The following EEF2K variants were observed in gnomAD, a reference collection of about 807,000 sequenced individuals.
EEF2K encodes the protein eukaryotic elongation factor 2 kinase.
A neutral mutation model predicts 93.8 loss-of-function variants in EEF2K; 70 were observed. The ratio of observed to expected loss-of-function variants is 0.75; its 90% CI spans 0.62 to 0.91. EEF2K has a LOEUF of 0.91. Among genes scored for constraint, EEF2K ranks in the 40% least tolerant of loss-of-function variants. The probability of loss-of-function intolerance (pLI) is 0.00; values close to 1 mark genes in which losing one functional copy is unlikely to be tolerated. For synonymous variants in EEF2K, 376 were observed against 380.8 expected, an observed-to-expected ratio of 0.99 and a Z score of 0.15; for missense variants, 935 against 972.9, an observed-to-expected ratio of 0.96 and a Z score of 0.52.
Position 22,225,843 on chromosome 16 carries a change from C to G in EEF2K, c.114C>G (p.Phe38Leu), listed in dbSNP as rs778974609. Residue 38 changes from phenylalanine to leucine, a missense_variant, in exon 2 of 18, where the codon TTC (phenylalanine) becomes TTG (leucine). Transcript: ENST00000263026. ...ACAGCGACGATGAGGAAGGTTACTT[C>G]ATCTGCCCCATCACGGATGACCCAA... ...DGDSDDEEGY[F>L]ICPITDDPSS... is the part of the protein sequence containing the mutation. 1 of 1,614,230 alleles carries G rather than the reference C, an allele frequency of 6.2e-7. No homozygotes were observed.
intron 10 of EEF2K, among the ~76,000 whole-genome samples, chr16:22,259,358 T>C (rs1827361670): frequency 6.6e-6 from 1 of 152,200 alleles, no homozygotes; most frequent in Admixed American, 6.5e-5. Context: ...TTGTTTAGTT[T>C]TTTAATTTTT....
intron 2 of EEF2K, among the ~76,000 whole-genome samples, chr16:22,227,211 A>G (rs1346893527): frequency 6.6e-6 from 1 of 152,172 alleles, no homozygotes; most frequent in African/African-American, 2.4e-5. Flanking sequence ...AAAAATTAAA[A>G]TAAAATAAAT....
intron 2 of EEF2K, among the ~76,000 whole-genome samples, 153 bp downstream of exon 2, chr16:22,226,128 GTAT>G (rs1286336602): frequency 4.6e-5 from 7 of 152,168 alleles, no homozygotes; most frequent in African/African-American, 1.7e-4. Context: ...AGCAGGGAGG[GTAT>G]TATTGATTTA....
At chr16:22,247,970 G>A (rs1030449313) in intron 3 of EEF2K, among the ~76,000 whole-genome samples, 1 of 152,066 alleles carries the variant, frequency 6.6e-6, no homozygotes, top group Non-Finnish European at 1.5e-5. Context: ...CGTTTGTTAC[G>A]GAGACCAGTT....
chr16:22,217,160 CAA>C (rs59262131), intron 1 of EEF2K, among the ~76,000 whole-genome samples: 1,533 of 76,392 alleles, frequency 0.02, 19 homozygotes, highest in African/African-American at 0.065. Context: ...GACCCTGTCT[CAA>C]AAAAAAAAAA....
chr16:22,262,036 C>CAG, intron 11 of EEF2K, among the ~76,000 whole-genome samples: 1 of 150,078 alleles, frequency 6.7e-6, no homozygotes, highest in Non-Finnish European at 1.5e-5. Flanking sequence ...CACACACACA[C>CAG]AGAAAAGATA....
chr16:22,217,208 G>C (rs1000740752), intron 1 of EEF2K, among the ~76,000 whole-genome samples: 25 of 132,136 alleles, frequency 1.9e-4, no homozygotes, highest in African/African-American at 7.8e-4. Flanking sequence ...ATTATTTAGT[G>C]ATATATATAG....
At chr16:22,264,198 A>T (rs947963435) in intron 12 of EEF2K, among the ~76,000 whole-genome samples, 1 of 147,452 alleles carries the variant, frequency 6.8e-6, no homozygotes, top group Admixed American at 7.0e-5. Context: ...AAGCCGAGGC[A>T]TGAGAATCAC....
chr16:22,258,283 C>T (rs2047427386), intron 9 of EEF2K, among the ~76,000 whole-genome samples: 1 of 152,124 alleles, frequency 6.6e-6, no homozygotes, highest in Non-Finnish European at 1.5e-5. Flanking sequence ...GGCAGGTCCT[C>T]TGAGCCTCTG....
chr16:22,266,734 A>G lies in EEF2K; in HGVS notation c.1622A>G (p.Glu541Gly). 6.2e-7 allele frequency: 1 copy of G among 1,614,018 alleles called. No homozygotes were observed. Among genetic ancestry groups the G allele is most frequent in the South Asian group, 1.1e-5 (1 of 91,044 alleles). ...VRYHEGGRFC[E>G]KGEEWDQESA... ...TACCACGAGGGTGGGCGCTTCTGCG[A>G]GAAGGGCGAGGAGTGGGACCAGGAG... Residue 541 changes from glutamate to glycine, a missense_variant, in exon 15 of 18, where the codon GAG becomes GGG. Glu to Gly is a moderately conservative substitution (Grantham distance 98). Transcript: ENST00000263026.
At chr16:22,224,797 G>C (rs1333318567) in intron 1 of EEF2K, among the ~76,000 whole-genome samples, 1 of 152,042 alleles carries the variant, frequency 6.6e-6, no homozygotes, top group East Asian at 1.9e-4. Context: ...TACTAAAAAT[G>C]CAAAAATTAG....
At chr16:22,210,161 G>C (rs1418867895) in intron 1 of EEF2K, among the ~76,000 whole-genome samples, 2 of 152,140 alleles carry the variant, frequency 1.3e-5, no homozygotes, top group Non-Finnish European at 2.9e-5. Context: ...GAAAATAACA[G>C]TGCTCCCCAC....
intron 3 of EEF2K, among the ~76,000 whole-genome samples, chr16:22,246,291 G>A (rs541658207): frequency 1.6e-4 from 25 of 152,168 alleles, no homozygotes; most frequent in African/African-American, 5.5e-4. Context: ...GGAGGCCGAG[G>A]TGAGTGGATC....
chr16:22,250,235 T>C (rs923394763), intron 4 of EEF2K, among the ~76,000 whole-genome samples: 2 of 152,150 alleles, frequency 1.3e-5, no homozygotes, highest in Non-Finnish European at 2.9e-5. Context: ...TTGGTCAACA[T>C]TTTGCATTGG....
chr16:22,218,635 C>T (rs1026796387), intron 1 of EEF2K, among the ~76,000 whole-genome samples: 6 of 152,198 alleles, frequency 3.9e-5, no homozygotes, highest in South Asian at 2.1e-4. Flanking sequence ...GGCTTTGCTA[C>T]GAGCCAGACG....
At chr16:22,234,369 C>A (rs1293206049) in intron 2 of EEF2K, among the ~76,000 whole-genome samples, 1 of 152,006 alleles carries the variant, frequency 6.6e-6, no homozygotes, top group Non-Finnish European at 1.5e-5. Context: ...CCAGCCTGAC[C>A]AATATGGTGA....
chr16:22,214,182 T>C (rs994294717), intron 1 of EEF2K, among the ~76,000 whole-genome samples: 3 of 152,160 alleles, frequency 2.0e-5, no homozygotes, highest in Admixed American at 6.6e-5. Context: ...AATCTCATTG[T>C]ATCCTCAGAA....
intron 1 of EEF2K, among the ~76,000 whole-genome samples, chr16:22,213,751 C>G (rs2046936211): frequency 6.6e-6 from 1 of 152,104 alleles, no homozygotes; most frequent in Non-Finnish European, 1.5e-5. Flanking sequence ...GCTCCTGGCC[C>G]CTCCCTTCCA....
chr16:22,231,719 C>A (rs774712347), intron 2 of EEF2K, among the ~76,000 whole-genome samples: 8 of 151,828 alleles, frequency 5.3e-5, no homozygotes, highest in Non-Finnish European at 1.2e-4. Context: ...TGGCCGGGCA[C>A]GGTGGCTCAC....
Sources: allele counts gnomAD v4.1 joint callset (sites outside exome capture counted in the v4.1 genomes callset), GRCh38; gene constraint gnomAD v4.1.1; transcripts MANE v1.5; gene names NCBI Gene and HGNC (gene_info 2026-07-23, HGNC 2026-07-21).